TRIM23: variants seen among roughly 807,000 people sequenced by gnomAD.
The protein encoded by TRIM23 is E3 ubiquitin-protein ligase TRIM23.
A neutral mutation model predicts 71.0 loss-of-function variants in TRIM23; 27 were observed. The observed-to-expected ratio is 0.38, with a 90% confidence interval of 0.28 to 0.52. TRIM23 has a LOEUF of 0.52. TRIM23 is among the 20% of genes least tolerant of loss of function. TRIM23 has a pLI of 0.84. For missense variants in TRIM23, 482 were observed against 692.3 expected, an observed-to-expected ratio of 0.70 and a Z score of 3.41; for synonymous variants, 234 against 238.0, an observed-to-expected ratio of 0.98 and a Z score of 0.16.
intron 6 of TRIM23, among the ~76,000 whole-genome samples, chr5:65,607,382 GATT>G (rs1313696343): frequency 6.6e-6 from 1 of 152,150 alleles, no homozygotes; most frequent in Non-Finnish European, 1.5e-5. Flanking sequence ...GACATGATTG[GATT>G]ATTGGGGCAG....
chr5:65,592,055 A>G, intron 10 of TRIM23, 107 bp from the exon 11 acceptor site: 1 of 1,085,896 alleles, frequency 9.2e-7, no homozygotes, highest in Non-Finnish European at 1.3e-6. Flanking sequence ...CAGAAGCCTA[A>G]ACAAAAAACC....
chr5:65,613,148 T>C (rs1338365015), intron 3 of TRIM23, among the ~76,000 whole-genome samples: 1 of 152,186 alleles, frequency 6.6e-6, no homozygotes, highest in Non-Finnish European at 1.5e-5. Context: ...TAAACACATG[T>C]ACCATAAAAA....
chr5:65,624,092 C>T lies in TRIM23; in HGVS notation c.81+102G>A, dbSNP rs984273536. 15 of 1,393,666 alleles carry T rather than the reference C, an allele frequency of 1.1e-5. No individual in the cohort carries two copies. The African/African-American group carries it at 1.6e-4, about 15-fold the overall frequency. 86.3% of individuals were successfully genotyped at this position (1,393,666 alleles called of 1,614,324 possible). ...TGCCAAAAGGGGCCCAGAGGCCGCG[C>T]ATCCCACCTATCGAAGCCTGGGCCG... is the stretch of plus-strand genomic sequence containing the variant. On this transcript the variant is annotated intron_variant, in intron 1 of 10. Coordinates refer to ENST00000231524, the MANE Select transcript of TRIM23 (RefSeq NM_001656.4).
At chr5:65,601,228 G>A (rs154861) in intron 7 of TRIM23, among the ~76,000 whole-genome samples, 97,435 of 152,084 alleles carry the variant, frequency 0.64, 31,566 homozygotes, top group African/African-American at 0.7. Context: ...TAAACCAAGA[G>A]GTGGAAGCTA....
chr5:65,609,673 T>A (rs77284639), intron 5 of TRIM23, among the ~76,000 whole-genome samples: 2,230 of 152,250 alleles, frequency 0.015, 46 homozygotes, highest in African/African-American at 0.051. Flanking sequence ...AAGGCTGCAG[T>A]GAGTGGTGAT....
chr5:65,602,363 A>T (rs1190545733), intron 7 of TRIM23, among the ~76,000 whole-genome samples: 1 of 152,178 alleles, frequency 6.6e-6, no homozygotes, highest in African/African-American at 2.4e-5. Context: ...GTTCCCAAAA[A>T]GTTCCTCGTC....
chr5:65,623,791 C>A (rs468308), intron 1 of TRIM23, among the ~76,000 whole-genome samples: 101,513 of 152,106 alleles, frequency 0.67, 34,555 homozygotes, highest in African/African-American at 0.79. Context: ...AATGGGAATT[C>A]ACATCTACTT....
chr5:65,595,298 C>T (rs1278339199), intron 9 of TRIM23, among the ~76,000 whole-genome samples: 5 of 151,956 alleles, frequency 3.3e-5, no homozygotes, highest in Non-Finnish European at 7.4e-5. Context: ...TGGCTCGTGC[C>T]TCTAATCCCA....
At chr5:65,594,487 C>G (rs1353893578) in intron 10 of TRIM23, 34 bp downstream of exon 10, 2 of 1,589,106 alleles carry the variant, frequency 1.3e-6, no homozygotes, top group South Asian at 2.3e-5. Context: ...CACAAAACTA[C>G]TAAAATAAAT....
intron 7 of TRIM23, among the ~76,000 whole-genome samples, chr5:65,603,816 C>CT (rs1246170247): frequency 1.3e-5 from 2 of 152,072 alleles, no homozygotes; most frequent in African/African-American, 4.8e-5. Flanking sequence ...TGAAACTTTG[C>CT]TTGGATTGTA....
At chr5:65,613,927 AG>A (rs1754716644) in intron 3 of TRIM23, 170 bp downstream of exon 3, 11 of 1,506,456 alleles carry the variant, frequency 7.3e-6, no homozygotes, top group Non-Finnish European at 8.9e-6. Flanking sequence ...AAATAATTCT[AG>A]TTTTTTCTCT....
chr5:65,622,364 G>A (rs1253186857), intron 1 of TRIM23, among the ~76,000 whole-genome samples: 5 of 151,664 alleles, frequency 3.3e-5, no homozygotes, highest in African/African-American at 4.8e-5. Context: ...ACGGGGTTTC[G>A]CCATGTTGGC....
At chr5:65,594,413 A>C (rs900048051) in intron 10 of TRIM23, 108 bp downstream of exon 10, 24 of 1,348,980 alleles carry the variant, frequency 1.8e-5, no homozygotes, top group Non-Finnish European at 2.4e-5. Context: ...AATACACAGA[A>C]GAAACTATAA....
At position 65,624,252 on chromosome 5, in the gene TRIM23, T is replaced by G; in HGVS notation, c.23A>C (p.Lys8Thr). Residue 8 changes from lysine to threonine, a missense_variant, in exon 1 of 11, where the codon AAG (lysine) becomes ACG (threonine). Around this residue, in one of 2 missense-constraint regions of TRIM23, gnomAD observed 175 missense variants for 196.5 expected, o/e 0.89. Coordinates refer to ENST00000231524, the MANE Select transcript of TRIM23 (RefSeq NM_001656.4). MATLVVN[K>T]LGAGVDSGRQ... is the part of the protein sequence containing the mutation. ...GCCACTGTCTACTCCCGCTCCGAGC[T>G]TGTTTACAACCAGGGTAGCCATCCT... is the stretch of plus-strand genomic sequence containing the variant. 1 of 1,614,190 alleles carries G rather than the reference T, an allele frequency of 6.2e-7. No individual in the cohort carries two copies. Among genetic ancestry groups the G allele is most frequent in the East Asian group, 2.2e-5 (1 of 44,884 alleles).
chr5:65,598,622 G>A (rs1341253286), intron 7 of TRIM23, among the ~76,000 whole-genome samples: 2 of 152,120 alleles, frequency 1.3e-5, no homozygotes, highest in Admixed American at 6.5e-5. Flanking sequence ...GGTGGCGCAC[G>A]CCTGTAATCT....
In TRIM23 at chr5:65,589,924, G is replaced by C. The variant is rs1278766126; in HGVS notation, c.*1845C>G. 3 of 166,056 alleles carry C rather than the reference G, an allele frequency of 1.8e-5. No homozygotes were observed. Among genetic ancestry groups the C allele is most frequent in the Non-Finnish European group, 3.9e-5 (3 of 76,768 alleles). 10.3% of individuals were successfully genotyped at this position (166,056 alleles called of 1,614,324 possible). ...TAGTTTCCCAGGGAAGACTAGCACA[G>C]TCTTAACTAATGATTAGTGAAATAA... On this transcript the variant is annotated 3_prime_UTR_variant, in exon 11 of 11. Coordinates refer to ENST00000231524, the MANE Select transcript of TRIM23 (RefSeq NM_001656.4).
chr5:65,605,758 A>G (rs922319106), intron 6 of TRIM23, among the ~76,000 whole-genome samples: 27 of 152,216 alleles, frequency 1.8e-4, no homozygotes, highest in African/African-American at 6.3e-4. Flanking sequence ...AGATCTCCCA[A>G]TAATATGCAA....
At chr5:65,621,834 TA>T (rs1443721525) in intron 1 of TRIM23, among the ~76,000 whole-genome samples, 10 of 150,944 alleles carry the variant, frequency 6.6e-5, no homozygotes, top group Non-Finnish European at 1.2e-4. Flanking sequence ...TTATTATTAT[TA>T]TTTTTTTTTT....
intron 9 of TRIM23, among the ~76,000 whole-genome samples, 196 bp downstream of exon 9, chr5:65,596,225 G>T (rs183623810): frequency 6.6e-6 from 1 of 152,042 alleles, no homozygotes; most frequent in South Asian, 2.1e-4. Flanking sequence ...TGTAATAATG[G>T]TATATCAGGA....
Sources: allele counts gnomAD v4.1 joint callset (sites outside exome capture counted in the v4.1 genomes callset), GRCh38; gene constraint gnomAD v4.1.1; regional missense constraint gnomAD v4.1.1; transcripts MANE v1.5; gene names NCBI Gene and HGNC (gene_info 2026-07-23, HGNC 2026-07-21).